Variants in LINC02747 observed in about 807,000 individuals in gnomAD.
LINC02747 encodes the protein long independently transcribed non-coding RNA 2747.
chr11:69,480,877 G>C lies in LINC02747; in HGVS notation n.120+549C>G, dbSNP rs553542346. ...AGGAGGACAGTGTGAGGTAGCACAG[G>C]CCTCTTCGATTCCCAAGGTTCCCTG... On this transcript the variant is annotated intron_variant and non_coding_transcript_variant, in intron 1 of 1. Coordinates refer to ENST00000645449, the Ensembl canonical transcript of LINC02747. Among the ~76,000 whole-genome samples, 4 of 152,194 alleles carry C rather than the reference G, an allele frequency of 2.6e-5. No individual in the cohort carries two copies. The East Asian group carries it at 7.7e-4, about 29-fold the overall frequency.
intron 1 of LINC02747, chr11:69,479,796 C>T (rs1223102550): frequency 6.6e-6 from 1 of 152,438 alleles, no homozygotes; most frequent in East Asian, 1.9e-4. Context: ...GCACATCTTC[C>T]TAGCCTGGGG....
chr11:69,478,009 T>G lies in LINC02747; in HGVS notation n.121-396A>C, dbSNP rs146707132. 3.0e-3 allele frequency among the ~76,000 whole-genome samples: 452 copies of G among 152,328 alleles called. 3 individuals carry two copies. Among genetic ancestry groups the G allele is most frequent in the African/African-American group, 0.01 (431 of 41,568 alleles). ...ATTCAATACCTGTCTGACAAGCACC[T>G]GTCTGCTTCGTGCCAGGCACTGCCC... is the stretch of plus-strand genomic sequence containing the variant. On this transcript the variant is annotated intron_variant and non_coding_transcript_variant, in intron 1 of 1. Transcript: ENST00000645449.
At chr11:69,478,182 T>C (rs1261968320) in intron 1 of LINC02747, among the ~76,000 whole-genome samples, 2 of 152,024 alleles carry the variant, frequency 1.3e-5, no homozygotes, top group African/African-American at 2.4e-5. Flanking sequence ...CCTTAGTGGA[T>C]AGAATGATCA....
exon 2 of LINC02747, chr11:69,476,177 A>G (rs1291339832): frequency 1.3e-5 from 2 of 152,228 alleles, no homozygotes; most frequent in Non-Finnish European, 2.9e-5. Flanking sequence ...CTGGCACCCC[A>G]TAGGCGCTCA....
exon 2 of LINC02747, chr11:69,476,886 GAGGCCAGGCTGGAGAGCCAGCA>G (rs1857001456): frequency 6.6e-6 from 1 of 152,258 alleles, no homozygotes. Flanking sequence ...AGGGTCCTGC[GAGGCCAGGCTGGAGAGCCAGCA>G]AGGAAGAGGC....
At chr11:69,479,788 A>C (rs547165825) in intron 1 of LINC02747, 6 of 152,502 alleles carry the variant, frequency 3.9e-5, no homozygotes, top group Admixed American at 2.6e-4. Flanking sequence ...CGGCAGGTGC[A>C]CATCTTCCTA....
intron 1 of LINC02747, among the ~76,000 whole-genome samples, chr11:69,481,012 G>A (rs1219998563): frequency 6.6e-6 from 1 of 152,214 alleles, no homozygotes. Context: ...ACAGGTGCCA[G>A]GCACCTACAG....
At chr11:69,477,480 A>C (rs548618952) in exon 2 of LINC02747, 1 of 152,346 alleles carries the variant, frequency 6.6e-6, no homozygotes, top group African/African-American at 2.4e-5. Flanking sequence ...ACATTGCTCC[A>C]TTATTTCCTG....
At chr11:69,481,558 G>A (rs923291016), upstream of LINC02747, 1 of 152,330 alleles carries the variant, frequency 6.6e-6, no homozygotes, top group African/African-American at 2.4e-5. Context: ...GAATGCGGAG[G>A]CTGGGGGCAG....
At chr11:69,478,311 T>C (rs1857014903) in intron 1 of LINC02747, among the ~76,000 whole-genome samples, 1 of 152,104 alleles carries the variant, frequency 6.6e-6, no homozygotes. Context: ...TCCGTCCTGC[T>C]GACTCCCTGC....
chr11:69,478,474 G>A (rs1857016284), intron 1 of LINC02747, among the ~76,000 whole-genome samples: 1 of 152,174 alleles, frequency 6.6e-6, no homozygotes, highest in South Asian at 2.1e-4. Flanking sequence ...TCACACCTCT[G>A]CTCAGGGCTG....
intron 1 of LINC02747, among the ~76,000 whole-genome samples, chr11:69,479,484 A>G (rs898857260): frequency 1.3e-5 from 2 of 152,154 alleles, no homozygotes; most frequent in African/African-American, 4.8e-5. Flanking sequence ...CATGAGCAGA[A>G]AAACGCCCTG....
intron 1 of LINC02747, among the ~76,000 whole-genome samples, chr11:69,478,993 G>A (rs955201878): frequency 6.6e-6 from 1 of 152,114 alleles, no homozygotes; most frequent in African/African-American, 2.4e-5. Flanking sequence ...GGTGGCTCAC[G>A]CCTGTAATCC....
intron 1 of LINC02747, chr11:69,479,546 G>A (rs1857028822): frequency 6.6e-6 from 1 of 152,244 alleles, no homozygotes; most frequent in African/African-American, 2.4e-5. Context: ...AGAAGACAAA[G>A]GGGTGGAGTG....
chr11:69,479,248 C>T (rs1857025636), intron 1 of LINC02747, among the ~76,000 whole-genome samples: 1 of 101,520 alleles, frequency 9.9e-6, no homozygotes, highest in Non-Finnish European at 1.7e-5. Flanking sequence ...AAGTGAGACT[C>T]TGTCTCAAAA....
At chr11:69,480,895 G>A (rs912942893) in intron 1 of LINC02747, among the ~76,000 whole-genome samples, 2 of 152,140 alleles carry the variant, frequency 1.3e-5, no homozygotes, top group Non-Finnish European at 2.9e-5. Flanking sequence ...GATTCCCAAG[G>A]TTCCCTGGAA....
At chr11:69,478,460 T>A (rs1204886865) in intron 1 of LINC02747, among the ~76,000 whole-genome samples, 1 of 152,202 alleles carries the variant, frequency 6.6e-6, no homozygotes, top group African/African-American at 2.4e-5. Flanking sequence ...CTGTCTTTCC[T>A]CACTCACACC....
intron 1 of LINC02747, among the ~76,000 whole-genome samples, chr11:69,480,847 G>T (rs111311327): frequency 2.0e-5 from 3 of 152,296 alleles, no homozygotes; most frequent in Non-Finnish European, 2.9e-5. Context: ...AGACAACGCC[G>T]TGTGAGGAGG....
At chr11:69,476,569 C>G (rs1175043805) in exon 2 of LINC02747, 1 of 152,178 alleles carries the variant, frequency 6.6e-6, no homozygotes, top group Non-Finnish European at 1.5e-5. Context: ...ACCACCTCCC[C>G]CTTCCCTCTC....
Sources: gnomAD v4.1 joint callset for allele counts (sites outside exome capture counted in the v4.1 genomes callset) on GRCh38, gnomAD v4.1.1 for gene constraint, MANE v1.5 for transcripts, NCBI Gene and HGNC (gene_info 2026-07-23, HGNC 2026-07-21) for gene names.